The following ANKH variants were observed in gnomAD, a reference collection of about 807,000 sequenced individuals.
ANKH encodes the protein mineralization regulator ANKH.
ANKH carries 15 observed loss-of-function variants against 49.0 expected under a neutral mutation model. That is an observed-to-expected ratio of 0.31 (90% CI 0.20 to 0.47). The LOEUF is 0.47. Ranked by LOEUF, ANKH falls within the 20% of genes least tolerant of loss-of-function variation. ANKH has a pLI of 1.00. For synonymous variants in ANKH, 273 were observed against 260.0 expected (o/e 1.05, Z -0.48); for missense variants, 429 against 652.0 (o/e 0.66, Z 3.72).
chr5:14,805,914 G>A (rs1246200509), intron 1 of ANKH, among the ~76,000 whole-genome samples: 2 of 152,148 alleles, frequency 1.3e-5, no homozygotes, highest in Non-Finnish European at 2.9e-5. Context: ...ACTGTGCTTC[G>A]AAGTCTGTGC....
intron 1 of ANKH, among the ~76,000 whole-genome samples, chr5:14,801,006 G>C (rs1740552319): frequency 6.6e-6 from 1 of 152,158 alleles, no homozygotes; most frequent in Admixed American, 6.5e-5. Context: ...GCTTATAGGT[G>C]TGAGCTACCA....
intron 1 of ANKH, among the ~76,000 whole-genome samples, chr5:14,778,358 G>T (rs1739697809): frequency 6.6e-6 from 1 of 152,150 alleles, no homozygotes. Flanking sequence ...TGGGGACCCT[G>T]CCACTTGGCT....
chr5:14,828,796 G>A (rs1213047616), intron 1 of ANKH, among the ~76,000 whole-genome samples: 3 of 152,190 alleles, frequency 2.0e-5, no homozygotes. Flanking sequence ...ATCAGAGGGA[G>A]AAGAACAAGC....
chr5:14,713,280 C>T lies in ANKH; in HGVS notation c.1265+264G>A, dbSNP rs777865765. Among the ~76,000 whole-genome samples, 3 of 152,144 alleles carry T rather than the reference C, an allele frequency of 2.0e-5. No homozygotes were observed. The highest frequency in any genetic ancestry group is 2.9e-5 in the Non-Finnish European group (2 of 68,026). On this transcript the variant is annotated intron_variant, in intron 10 of 11. Transcript: ENST00000284268. The surrounding 1 kb of genome is among the most constrained non-coding windows in gnomAD (Gnocchi z 4.4). ...TCTTCTGGTTTTCATGTCCAGCATA[C>T]GTTCAAGCCCGTGCAGGGCCGGCCA...
intron 1 of ANKH, among the ~76,000 whole-genome samples, chr5:14,846,003 C>T (rs1339815867): frequency 2.0e-5 from 3 of 151,748 alleles, no homozygotes; most frequent in Non-Finnish European, 4.4e-5. Context: ...TTACAGGCAC[C>T]TGCCACCACG....
chr5:14,863,916 T>C (rs1260205626), intron 1 of ANKH, among the ~76,000 whole-genome samples: 1 of 152,182 alleles, frequency 6.6e-6, no homozygotes, highest in Non-Finnish European at 1.5e-5. Context: ...CACTGTACCC[T>C]TTAAAAACTG....
At chr5:14,712,798 T>TG in intron 11 of ANKH, 76 bp downstream of exon 11, 1 of 1,420,666 alleles carries the variant, frequency 7.0e-7, no homozygotes, top group Non-Finnish European at 9.7e-7. Flanking sequence ...CCATCCAACC[T>TG]GGTCAGTGGC....
chr5:14,787,481 C>T (rs1740016856), intron 1 of ANKH, among the ~76,000 whole-genome samples: 1 of 152,110 alleles, frequency 6.6e-6, no homozygotes, highest in Non-Finnish European at 1.5e-5. Flanking sequence ...TGACATACAC[C>T]AAGCTGTTCA....
rs562315236 is a variant in ANKH at position 14,746,945 on chromosome 5, C to T, written c.823-983G>A. ...AAGCCAAGATTTCAACCCAGGTCCA[C>T]CTGACTCCAGAATCCTTGCTCATTC... On this transcript the variant is annotated intron_variant, in intron 6 of 11. Coordinates refer to ENST00000284268, the MANE Select transcript of ANKH (RefSeq NM_054027.6). Among the ~76,000 whole-genome samples the T allele has an allele frequency of 1.2e-4, 18 of 152,346 alleles. No homozygotes were observed. The South Asian group carries it at 3.7e-3, about 32-fold the overall frequency.
At chr5:14,843,549 G>GGAA (rs71603755) in intron 1 of ANKH, among the ~76,000 whole-genome samples, 7 of 61,010 alleles carry the variant, frequency 1.1e-4, no homozygotes, top group East Asian at 1.1e-3. Context: ...GGGGATTAGC[G>GGAA]AAAAAAAAAA....
chr5:14,758,328 G>C (rs1267860251), intron 3 of ANKH, 152 bp downstream of exon 3: 16 of 694,140 alleles, frequency 2.3e-5, no homozygotes, highest in Non-Finnish European at 3.0e-5. Flanking sequence ...GCAAGATGAA[G>C]AGTTCTGAAG....
At chr5:14,716,075 C>T (rs1447731363) in intron 9 of ANKH, among the ~76,000 whole-genome samples, 1 of 152,226 alleles carries the variant, frequency 6.6e-6, no homozygotes, top group Non-Finnish European at 1.5e-5. Flanking sequence ...TTGAGAATTT[C>T]AGTACATGAA....
In ANKH at chr5:14,758,580, T is replaced by C; in HGVS notation, c.332A>G (p.Tyr111Cys). 8 of 1,612,840 alleles carry C rather than the reference T, an allele frequency of 5.0e-6. No homozygotes were observed. Among genetic ancestry groups the C allele is most frequent in the Non-Finnish European group, 6.8e-6 (8 of 1,178,760 alleles). ...HTLIAYSDLG[Y>C]YIINKLHHVD... is the part of the protein sequence containing the mutation. ...ATGGTGCAGTTTATTGATAATGTAG[T>C]ATCCTAAATCACTATAAGCTGCAAA... The change falls in exon 3 of 12, where the codon TAC (tyrosine) becomes TGC (cysteine). Residue 111 changes from tyrosine to cysteine, a missense_variant. Tyr to Cys is a radical substitution (Grantham distance 194, BLOSUM62 -2). This residue lies in a region of ANKH where 378 missense variants were observed against 615.3 expected (regional missense o/e 0.61). Coordinates refer to ENST00000284268, the MANE Select transcript of ANKH (RefSeq NM_054027.6).
chr5:14,820,420 G>A (rs780750168), intron 1 of ANKH, among the ~76,000 whole-genome samples: 4 of 152,178 alleles, frequency 2.6e-5, no homozygotes, highest in Admixed American at 6.5e-5. Context: ...TATTGCAATA[G>A]GGGAAAGAGA....
chr5:14,782,441 G>A (rs981263062), intron 1 of ANKH, among the ~76,000 whole-genome samples: 7 of 152,148 alleles, frequency 4.6e-5, no homozygotes, highest in Non-Finnish European at 7.4e-5. Flanking sequence ...CACAGCTAGC[G>A]ATCCTAACCC....
intron 8 of ANKH, chr5:14,724,705 CA>C: frequency 5.5e-6 from 2 of 361,622 alleles, no homozygotes; most frequent in Non-Finnish European, 3.8e-6. Flanking sequence ...CTTTTCAAAG[CA>C]TTTGGAACCG....
intron 1 of ANKH, among the ~76,000 whole-genome samples, chr5:14,839,403 T>C (rs1416310656): frequency 6.6e-6 from 1 of 151,876 alleles, no homozygotes; most frequent in African/African-American, 2.4e-5. Flanking sequence ...ACAGACAGAG[T>C]TTTGGCTCAA....
intron 3 of ANKH, 100 bp downstream of exon 3, chr5:14,758,380 C>T: frequency 1.1e-6 from 1 of 874,724 alleles, no homozygotes; most frequent in South Asian, 1.4e-5. Flanking sequence ...TGCCATTAAG[C>T]TGTACACACA....
chr5:14,799,035 A>G (rs1383083038), intron 1 of ANKH, among the ~76,000 whole-genome samples: 1 of 152,262 alleles, frequency 6.6e-6, no homozygotes, highest in Non-Finnish European at 1.5e-5. Context: ...AAATTAAAAA[A>G]TGTTACTTGA....
Sources: allele counts gnomAD v4.1 joint callset (sites outside exome capture counted in the v4.1 genomes callset), GRCh38; gene constraint gnomAD v4.1.1; regional missense constraint gnomAD v4.1.1; non-coding constraint Gnocchi (gnomAD v3.1); transcripts MANE v1.5; gene names NCBI Gene and HGNC (gene_info 2026-07-23, HGNC 2026-07-21).